APC: variants seen among roughly 807,000 people sequenced by gnomAD.
APC encodes the protein adenomatous polyposis coli protein.
A neutral mutation model predicts 247.0 loss-of-function variants in APC; 72 were observed. The ratio of observed to expected loss-of-function variants is 0.29; its 90% confidence interval spans 0.24 to 0.35. The LOEUF (loss-of-function observed/expected upper bound fraction) is 0.35. Among genes scored for constraint, APC ranks in the 10% least tolerant of loss-of-function variants. The pLI, the probability that APC is intolerant of heterozygous loss-of-function variation, is 1.00. For missense variants in APC, 3,400 were observed against 3,360.7 expected (o/e 1.01, Z -0.29); for synonymous variants, 1,254 against 1,162.5 (o/e 1.08, Z -1.60).
chr5:112,774,288 C>A (rs144544086), intron 4 of APC, among the ~76,000 whole-genome samples: 54 of 152,028 alleles, frequency 3.6e-4, no homozygotes, highest in African/African-American at 6.8e-4. Context: ...CTCCAAAATC[C>A]TAAAGTTTTT....
At chr5:112,721,201 G>A (rs1193300580) in intron 1 of APC, among the ~76,000 whole-genome samples, 1 of 152,066 alleles carries the variant, frequency 6.6e-6, no homozygotes, top group Non-Finnish European at 1.5e-5. Flanking sequence ...ATCACTTGAG[G>A]TCAGGAGTTC....
At position 112,785,453 on chromosome 5, in the gene APC, A is replaced by G. The variant is rs562157778; in HGVS notation, c.645+4550A>G. Among the ~76,000 whole-genome samples the G allele has an allele frequency of 3.3e-5, 5 of 152,346 alleles. No homozygotes were observed. The South Asian group carries it at 1.0e-3, about 32-fold the overall frequency. The stretch of plus-strand genomic sequence containing the variant: ...TAAAGTAACTAGAAAAAGCCTGCAT[A>G]AAGAAAAACATAAAATTGTTGAAGG... On this transcript the variant is annotated intron_variant, in intron 6 of 15. Coordinates refer to ENST00000257430, the MANE Select transcript of APC (RefSeq NM_000038.6).
chr5:112,834,253 TTTTTTTTA>T (rs1437745167), intron 14 of APC, among the ~76,000 whole-genome samples: 1 of 117,048 alleles, frequency 8.5e-6, no homozygotes, highest in Non-Finnish European at 1.8e-5. Context: ...TTTTTTTTTT[TTTTTTTTA>T]AAAAGAGTTT....
upstream of APC, chr5:112,737,874 G>A: frequency 5.1e-6 from 5 of 985,676 alleles, no homozygotes; most frequent in Non-Finnish European, 6.0e-6. Context: ...GGTGCAGCCC[G>A]CCAGGGTGTC....
In APC at chr5:112,842,684, A is replaced by G. The variant is rs768929466; in HGVS notation, c.7090A>G (p.Met2364Val). The G allele has an allele frequency of 1.2e-6, 2 of 1,613,442 alleles. No individual in the cohort carries two copies. The highest frequency in any genetic ancestry group is 1.7e-6 in the Non-Finnish European group (2 of 1,179,456). The stretch of plus-strand genomic sequence containing the variant: ...AACTAAGTCCTCAGGTTCTGGAAAA[A>G]TGTCATATACATCTCCAGGTAGACA... ...ASTKSSGSGK[M>V]SYTSPGRQMS... The change falls in exon 16 of 16, where the codon ATG (methionine) becomes GTG (valine). Residue 2364 changes from methionine (M) to valine (V), a missense_variant. Met to Val is a conservative substitution (Grantham distance 21). Around this residue, in one of 9 missense-constraint regions of APC, gnomAD observed 1,788 missense variants for 1,649.5 expected, o/e 1.08. Coordinates refer to ENST00000257430, the MANE Select transcript of APC (RefSeq NM_000038.6).
intron 1 of APC, among the ~76,000 whole-genome samples, chr5:112,708,234 G>A (rs759003514): frequency 6.6e-6 from 1 of 152,142 alleles, no homozygotes; most frequent in Non-Finnish European, 1.5e-5. Context: ...GGACCCTCTT[G>A]CTTCCTCTAA....
At chr5:112,726,617 G>A (rs1380474509) in intron 1 of APC, among the ~76,000 whole-genome samples, 3 of 152,122 alleles carry the variant, frequency 2.0e-5, no homozygotes, top group African/African-American at 7.2e-5. Flanking sequence ...TTCCTATTTA[G>A]GGCTGCAGGT....
At chr5:112,825,081 C>G (rs1408482161) in intron 11 of APC, among the ~76,000 whole-genome samples, 2 of 152,192 alleles carry the variant, frequency 1.3e-5, no homozygotes, top group East Asian at 3.9e-4. Flanking sequence ...AATCTCTTAT[C>G]TTTTCCCAGT....
At chr5:112,780,095 T>A (rs1369832848) in intron 5 of APC, among the ~76,000 whole-genome samples, 1 of 152,220 alleles carries the variant, frequency 6.6e-6, no homozygotes, top group African/African-American at 2.4e-5. Context: ...TCCTGTTGCA[T>A]GCTTGGCAGT....
At chr5:112,821,502 T>C (rs936882910) in intron 10 of APC, among the ~76,000 whole-genome samples, 1 of 150,870 alleles carries the variant, frequency 6.6e-6, no homozygotes, top group Non-Finnish European at 1.5e-5. Flanking sequence ...AGACCCTGTT[T>C]TGTTTTTTTT....
At chr5:112,807,075 G>T (rs193301675) in intron 8 of APC, among the ~76,000 whole-genome samples, 127 of 151,600 alleles carry the variant, frequency 8.4e-4, no homozygotes, top group African/African-American at 2.8e-3. Flanking sequence ...TGAGGTTGCA[G>T]TGAGTTGAGA....
intron 9 of APC, among the ~76,000 whole-genome samples, chr5:112,816,794 A>C (rs1762554788): frequency 6.6e-6 from 1 of 151,820 alleles, no homozygotes; most frequent in African/African-American, 2.4e-5. Flanking sequence ...ACTCCATTTC[A>C]AAAGAAAAAA....
intron 1 of APC, among the ~76,000 whole-genome samples, chr5:112,729,165 T>G (rs1159596962): frequency 1.3e-5 from 2 of 152,252 alleles, no homozygotes. Flanking sequence ...ATTCATACAT[T>G]GAACAAAAAG....
chr5:112,838,608 C>T lies in APC; in HGVS notation c.3014C>T (p.Ala1005Val), dbSNP rs876660427. ...CSYGQYPADL[A>V]HKIHSANHMD... ...TATGGTCAATACCCAGCCGACCTAGCCCATAAAATACATAGTGCAAATCAT... is the reference window on the plus strand; with the variant it reads ...TATGGTCAATACCCAGCCGACCTAGTCCATAAAATACATAGTGCAAATCAT... Residue 1005 changes from alanine to valine, a missense_variant, in exon 16 of 16, where the codon GCC becomes GTC. Coordinates refer to ENST00000257430, the MANE Select transcript of APC (RefSeq NM_000038.6). The T allele has an allele frequency of 6.2e-7, 1 of 1,614,008 alleles. No individual in the cohort carries two copies. The highest frequency in any genetic ancestry group is 8.5e-7 in the Non-Finnish European group (1 of 1,180,006).
At chr5:112,754,594 A>G (rs1175450537) in intron 1 of APC, among the ~76,000 whole-genome samples, 7 of 152,190 alleles carry the variant, frequency 4.6e-5, no homozygotes. Context: ...TTATTACTTG[A>G]TAGAAAGTTT....
intron 1 of APC, among the ~76,000 whole-genome samples, chr5:112,729,774 A>G (rs1406632475): frequency 1.3e-5 from 2 of 152,226 alleles, no homozygotes; most frequent in East Asian, 1.9e-4. Flanking sequence ...TAGTATATTC[A>G]CTAGAGTAAC....
chr5:112,786,886 C>CTTTTTTTTTTTTT (rs1171592849), intron 6 of APC, among the ~76,000 whole-genome samples: 28 of 118,100 alleles, frequency 2.4e-4, no homozygotes, highest in African/African-American at 3.0e-4. Context: ...TTTTCTTTTT[C>CTTTTTTTTTTTTT]TTTTTTTTTT....
chr5:112,755,915 G>T (rs1219321387), intron 2 of APC, among the ~76,000 whole-genome samples: 1 of 150,314 alleles, frequency 6.7e-6, no homozygotes, highest in African/African-American at 2.5e-5. Context: ...CTCGAGACCT[G>T]CCTGGGCAAT....
chr5:112,828,317 C>T (rs1046780580), intron 13 of APC, among the ~76,000 whole-genome samples: 1 of 151,894 alleles, frequency 6.6e-6, no homozygotes, highest in African/African-American at 2.4e-5. Flanking sequence ...CAGCTAATAT[C>T]CTGATTTAGA....
Sources: allele counts gnomAD v4.1 joint callset (sites outside exome capture counted in the v4.1 genomes callset), GRCh38; gene constraint gnomAD v4.1.1; regional missense constraint gnomAD v4.1.1; transcripts MANE v1.5; gene names NCBI Gene and HGNC (gene_info 2026-07-23, HGNC 2026-07-21).